Variants in STARD13 observed in about 807,000 individuals in gnomAD.
The protein encoded by STARD13 is StAR related lipid transfer domain containing 13.
STARD13 carries 62 observed loss-of-function variants against 106.4 expected under a neutral mutation model. That is an observed-to-expected ratio of 0.58 (90% confidence interval 0.48 to 0.72). STARD13 has a LOEUF of 0.72. Among genes scored for constraint, STARD13 ranks in the 30% least tolerant of loss-of-function variants. The probability of loss-of-function intolerance (pLI) is 0.00; values close to 1 mark genes in which losing one functional copy is unlikely to be tolerated. For missense variants in STARD13, 1,387 were observed against 1,424.0 expected (o/e 0.97, Z 0.42); for synonymous variants, 565 against 553.0 (o/e 1.02, Z -0.31).
chr13:33,225,068 A>G (rs1391917642), intron 1 of STARD13, among the ~76,000 whole-genome samples: 2 of 152,218 alleles, frequency 1.3e-5, no homozygotes, highest in Non-Finnish European at 1.5e-5. Context: ...TTGGATGACA[A>G]TATTTTAAAA....
chr13:33,259,996 CAAA>C (rs35410044), intron 1 of STARD13, among the ~76,000 whole-genome samples: 4,060 of 102,020 alleles, frequency 0.04, 213 homozygotes, highest in African/African-American at 0.13. Context: ...ATTCCATCTC[CAAA>C]AAAAAAAAAA....
At chr13:33,135,426 T>G (rs1240645934) in intron 4 of STARD13, among the ~76,000 whole-genome samples, 1 of 152,246 alleles carries the variant, frequency 6.6e-6, no homozygotes, top group Non-Finnish European at 1.5e-5. Flanking sequence ...TGCATGGTAC[T>G]GGTGTGTGGT....
chr13:33,120,179 T>C (rs1001376544), intron 7 of STARD13, among the ~76,000 whole-genome samples: 14 of 152,230 alleles, frequency 9.2e-5, no homozygotes, highest in African/African-American at 3.4e-4. Flanking sequence ...TCCTACTTTT[T>C]TAACAGCAGA....
chr13:33,401,205 A>G, the STARD13 span, among the ~76,000 whole-genome samples: 2 of 152,166 alleles, frequency 1.3e-5, no homozygotes, highest in East Asian at 1.9e-4. Flanking sequence ...AGGATCTCAG[A>G]TTTGTTTAGT....
At chr13:33,235,693 AAGG>A (rs887364597) in intron 1 of STARD13, among the ~76,000 whole-genome samples, 3 of 152,214 alleles carry the variant, frequency 2.0e-5, no homozygotes, top group Non-Finnish European at 4.4e-5. Flanking sequence ...ACCAGGAGCC[AAGG>A]AAGTCTGGAA....
intron 4 of STARD13, chr13:33,138,701 C>A: frequency 3.1e-6 from 1 of 324,422 alleles, no homozygotes; most frequent in South Asian, 2.5e-5. Flanking sequence ...AGAGCCCGAG[C>A]TGCAGGCGGC....
chr13:33,460,782 T>C, the STARD13 span, among the ~76,000 whole-genome samples: 1 of 152,092 alleles, frequency 6.6e-6, no homozygotes, highest in Non-Finnish European at 1.5e-5. Context: ...TTTCTTGCAC[T>C]CAACTAAAAT....
At chr13:33,519,277 C>A in the STARD13 span, among the ~76,000 whole-genome samples, 2 of 121,144 alleles carry the variant, frequency 1.7e-5, no homozygotes, top group African/African-American at 6.4e-5. Context: ...TCTTTCTTTT[C>A]TTTCTCTTTC....
chr13:33,286,683 A>G (rs1892074168), upstream of STARD13, among the ~76,000 whole-genome samples: 1 of 152,152 alleles, frequency 6.6e-6, no homozygotes, highest in Non-Finnish European at 1.5e-5. Flanking sequence ...AGCCAGATAG[A>G]GAAAGAGACA....
chr13:33,359,279 C>T, the STARD13 span, among the ~76,000 whole-genome samples: 1 of 152,104 alleles, frequency 6.6e-6, no homozygotes, highest in Non-Finnish European at 1.5e-5. Context: ...ACCACGAGCC[C>T]ACCGGGAGAA....
At chr13:33,133,319 T>A (rs147990119) in intron 4 of STARD13, among the ~76,000 whole-genome samples, 80 of 152,222 alleles carry the variant, frequency 5.3e-4, no homozygotes, top group African/African-American at 1.9e-3. Flanking sequence ...CAGGAAGATA[T>A]TTACAGCCCA....
chr13:33,494,292 A>G, the STARD13 span, among the ~76,000 whole-genome samples: 1 of 152,120 alleles, frequency 6.6e-6, no homozygotes, highest in Non-Finnish European at 1.5e-5. Context: ...ACTTATTGCC[A>G]TTAATAAGCA....
At chr13:33,122,251 G>T (rs945505130) in intron 7 of STARD13, among the ~76,000 whole-genome samples, 1 of 152,182 alleles carries the variant, frequency 6.6e-6, no homozygotes, top group African/African-American at 2.4e-5. Flanking sequence ...CAAAGTGTTG[G>T]GATTTTAAGT....
the STARD13 span, among the ~76,000 whole-genome samples, chr13:33,676,263 G>A: frequency 3.9e-5 from 6 of 152,136 alleles, no homozygotes; most frequent in African/African-American, 7.2e-5. Context: ...CCTGCGGATC[G>A]GGACTGCCAT....
the STARD13 span, among the ~76,000 whole-genome samples, chr13:33,505,492 TATAAA>T: frequency 6.6e-6 from 1 of 152,160 alleles, no homozygotes; most frequent in East Asian, 1.9e-4. Flanking sequence ...TTTGCACAGA[TATAAA>T]ATATAATACC....
the STARD13 span, among the ~76,000 whole-genome samples, chr13:33,588,195 T>C: frequency 6.6e-6 from 1 of 152,192 alleles, no homozygotes; most frequent in Non-Finnish European, 1.5e-5. Flanking sequence ...TAAGACTATA[T>C]CTTATTCCTT....
At chr13:33,197,123 C>T (rs1886679035) in intron 1 of STARD13, among the ~76,000 whole-genome samples, 1 of 152,162 alleles carries the variant, frequency 6.6e-6, no homozygotes, top group Non-Finnish European at 1.5e-5. Context: ...CAGCCTTTTT[C>T]ACACATGGCA....
At chr13:33,281,444 G>A (rs897172554) in intron 1 of STARD13, 1 of 149,290 alleles carries the variant, frequency 6.7e-6, no homozygotes, top group Non-Finnish European at 1.5e-5. Context: ...GTGTGTGTAT[G>A]TAGACTTTAA....
the STARD13 span, among the ~76,000 whole-genome samples, chr13:33,625,821 C>G: frequency 6.6e-6 from 1 of 151,930 alleles, no homozygotes; most frequent in Non-Finnish European, 1.5e-5. Flanking sequence ...CCTGCCTCAG[C>G]CTCCCTAGTA....
Sources: allele counts gnomAD v4.1 joint callset (sites outside exome capture counted in the v4.1 genomes callset), GRCh38; gene constraint gnomAD v4.1.1; transcripts MANE v1.5; gene names NCBI Gene and HGNC (gene_info 2026-07-23, HGNC 2026-07-21).